CDK8: variants seen among roughly 807,000 people sequenced by gnomAD.
The protein encoded by CDK8 is cyclin-dependent kinase 8.
A neutral mutation model predicts 71.5 loss-of-function variants in CDK8; 29 were observed. That is an observed-to-expected ratio of 0.41 (90% CI 0.30 to 0.55). The LOEUF (loss-of-function observed/expected upper bound fraction) is 0.55, where lower values mean the gene tolerates loss of function less well. Ranked by LOEUF, CDK8 falls within the 20% of genes least tolerant of loss-of-function variation. The pLI is 0.37. For synonymous variants in CDK8, 161 were observed against 192.1 expected (o/e 0.84, Z 1.34); for missense variants, 288 against 572.6 (o/e 0.50, Z 5.07).
intron 1 of CDK8, among the ~76,000 whole-genome samples, chr13:26,290,477 G>A (rs777723656): frequency 1.1e-4 from 16 of 152,000 alleles, no homozygotes; most frequent in Non-Finnish European, 1.9e-4. Context: ...CTAAGAAAAC[G>A]GTCATCACAC....
rs569174188 is a variant in CDK8, at chr13:26,254,605, C to T, written c.-37C>T. On this transcript the variant is annotated 5_prime_UTR_variant, in exon 1 of 13. Coordinates refer to ENST00000381527, the MANE Select transcript of CDK8 (RefSeq NM_001260.3). The surrounding 1 kb of genome is among the most constrained non-coding windows in gnomAD (Gnocchi z 6.7). ...CCGGTCCCCACCCCTGCCCCCCGGCCCCCCGACCCAGCTCTCCGGCCTCAG... is the reference window on the plus strand; with the variant it reads ...CCGGTCCCCACCCCTGCCCCCCGGCTCCCCGACCCAGCTCTCCGGCCTCAG... 79 of 1,534,674 alleles carry T rather than the reference C, an allele frequency of 5.1e-5. No individual in the cohort carries two copies. In the South Asian group the frequency reaches 9.1e-4, roughly 18 times the overall value.
At chr13:26,266,806 A>T (rs1872039827) in intron 1 of CDK8, among the ~76,000 whole-genome samples, 1 of 152,160 alleles carries the variant, frequency 6.6e-6, no homozygotes, top group Non-Finnish European at 1.5e-5. Context: ...AAACCTGTAG[A>T]TGCCATTTAT....
At chr13:26,393,340 C>CTTTTTTTTTTTTTTT in intron 6 of CDK8, 27 bp from the exon 7 acceptor site, 1 of 1,114,682 alleles carries the variant, frequency 9.0e-7, no homozygotes, top group Non-Finnish European at 1.2e-6. Flanking sequence ...ATTTTTCTTT[C>CTTTTTTTTTTTTTTT]TTTTTTTTTT....
chr13:26,400,869 A>T lies in CDK8; in HGVS notation c.1031+319A>T, dbSNP rs576014523. The stretch of plus-strand genomic sequence containing the variant: ...ACAGTTTCATGTTCCAAAATTGCAA[A>T]TATTCCCAAATGTGTTCCCTATACC... On this transcript the variant is annotated intron_variant, in intron 10 of 12. Coordinates refer to ENST00000381527, the MANE Select transcript of CDK8 (RefSeq NM_001260.3). Among the ~76,000 whole-genome samples, 43 of 152,224 alleles carry T rather than the reference A, an allele frequency of 2.8e-4. No homozygotes were observed. The South Asian group carries it at 8.9e-3, about 32-fold the overall frequency.
At chr13:26,263,908 G>A (rs1248131026) in intron 1 of CDK8, among the ~76,000 whole-genome samples, 1 of 151,878 alleles carries the variant, frequency 6.6e-6, no homozygotes, top group Non-Finnish European at 1.5e-5. Context: ...CACTACGCCC[G>A]GCTAATTTTT....
intron 1 of CDK8, among the ~76,000 whole-genome samples, chr13:26,329,270 C>T (rs933878434): frequency 6.6e-6 from 1 of 152,018 alleles, no homozygotes; most frequent in Admixed American, 6.6e-5. Context: ...TTTATATTTT[C>T]ATCTTACTCC....
At position 26,401,643 on chromosome 13, in the gene CDK8, G is replaced by C. The variant is rs1400373731; in HGVS notation, c.1269+19G>C. On this transcript the variant is annotated intron_variant, in intron 12 of 12. Coordinates refer to ENST00000381527, the MANE Select transcript of CDK8 (RefSeq NM_001260.3). The surrounding 1 kb of genome is among the most constrained non-coding windows in gnomAD (Gnocchi z 4.5). ...CTATCAGGTATTCCAAGTTTATTTT[G>C]TATTGACTGCATGTCAGTGTTTACA... The C allele has an allele frequency of 1.2e-6, 2 of 1,612,696 alleles. No homozygotes were observed. Among genetic ancestry groups the C allele is most frequent in the South Asian group, 2.2e-5 (2 of 91,034 alleles).
At chr13:26,257,894 TTGTGTGTGTG>T (rs34745022) in intron 1 of CDK8, among the ~76,000 whole-genome samples, 1 of 148,620 alleles carries the variant, frequency 6.7e-6, no homozygotes, top group Non-Finnish European at 1.5e-5. Flanking sequence ...GAGTGTGTGT[TTGTGTGTGTG>T]TGTGTGTGTG....
intron 1 of CDK8, among the ~76,000 whole-genome samples, chr13:26,315,211 A>G (rs1874453994): frequency 6.6e-6 from 1 of 152,214 alleles, no homozygotes; most frequent in Admixed American, 6.5e-5. Context: ...TTTCACCTCT[A>G]ATTTTTTAGT....
chr13:26,337,257 A>G (rs1465964688), intron 1 of CDK8, among the ~76,000 whole-genome samples: 1 of 152,186 alleles, frequency 6.6e-6, no homozygotes, highest in East Asian at 1.9e-4. Flanking sequence ...TGTGTGTGTT[A>G]TGTTCATATA....
In CDK8 at chr13:26,385,252, C is replaced by T. The variant is rs1360603716; in HGVS notation, c.556C>T (p.Pro186Ser). 6.2e-7 allele frequency: 1 copy of T among 1,612,654 alleles called. No homozygotes were observed. Among genetic ancestry groups the T allele is most frequent in the Non-Finnish European group, 8.5e-7 (1 of 1,179,010 alleles). ...FARLFNSPLKPLADLDPVVVT... is the reference protein window; with the variant it reads ...FARLFNSPLKSLADLDPVVVT... ...CCGATTATTTAATTCACCTTTGAAG[C>T]CTTTAGCAGATTTGGATCCAGTGGT... The change falls in exon 6 of 13, where the codon CCT becomes TCT. Residue 186 changes from proline to serine, a missense_variant. By Grantham distance (74) the Pro-to-Ser change is moderately conservative (BLOSUM62 -1). Around this residue, in one of 6 missense-constraint regions of CDK8, gnomAD observed 0 missense variants for 18.6 expected, o/e 0.00. Transcript: ENST00000381527.
chr13:26,348,103 T>C (rs1034847012), intron 2 of CDK8, among the ~76,000 whole-genome samples: 9 of 151,926 alleles, frequency 5.9e-5, no homozygotes, highest in Non-Finnish European at 1.3e-4. Flanking sequence ...GATATATATA[T>C]AGATATGCAT....
intron 12 of CDK8, among the ~76,000 whole-genome samples, chr13:26,403,117 C>A (rs1876339805): frequency 6.6e-6 from 1 of 152,188 alleles, no homozygotes; most frequent in South Asian, 2.1e-4. Flanking sequence ...CCATCACATT[C>A]TTTCTCTTTG....
intron 1 of CDK8, among the ~76,000 whole-genome samples, chr13:26,333,361 A>G (rs1330745744): frequency 6.6e-6 from 1 of 152,010 alleles, no homozygotes; most frequent in African/African-American, 2.4e-5. Context: ...GCTGGCCTTG[A>G]ACTCCGGACC....
In CDK8 at chr13:26,254,587, C is replaced by T; in HGVS notation, c.-55C>T. 1 of 1,322,090 alleles carries T rather than the reference C, an allele frequency of 7.6e-7. No homozygotes were observed. Among genetic ancestry groups the T allele is most frequent in the Non-Finnish European group, 1.0e-6 (1 of 956,082 alleles). 81.9% of individuals were successfully genotyped at this position (1,322,090 alleles called of 1,614,324 possible). On this transcript the variant is annotated 5_prime_UTR_variant, in exon 1 of 13. Transcript: ENST00000381527. This position sits in a 1 kb window ranked among gnomAD's most constrained non-coding sequence, Gnocchi z 6.7. ...GCGGCTGCCCGTGCTTCCCCGGTCCCCACCCCTGCCCCCCGGCCCCCCGAC... is the reference window on the plus strand; with the variant it reads ...GCGGCTGCCCGTGCTTCCCCGGTCCTCACCCCTGCCCCCCGGCCCCCCGAC...
At chr13:26,374,433 A>G (rs1020918517) in intron 4 of CDK8, among the ~76,000 whole-genome samples, 1 of 152,194 alleles carries the variant, frequency 6.6e-6, no homozygotes, top group African/African-American at 2.4e-5. Flanking sequence ...GTCCAGCTAC[A>G]GCAGGTGGTA....
intron 1 of CDK8, among the ~76,000 whole-genome samples, chr13:26,320,945 C>T (rs1874746493): frequency 6.6e-6 from 1 of 152,162 alleles, no homozygotes; most frequent in South Asian, 2.1e-4. Flanking sequence ...AATATAGCCA[C>T]TGTGGAAAAC....
intron 1 of CDK8, among the ~76,000 whole-genome samples, chr13:26,288,904 A>G (rs898817988): frequency 2.0e-5 from 3 of 151,462 alleles, no homozygotes; most frequent in African/African-American, 7.3e-5. Context: ...GGCACGTGCC[A>G]CTGCACCTGG....
At chr13:26,274,576 C>T (rs562530899) in intron 1 of CDK8, among the ~76,000 whole-genome samples, 40 of 151,830 alleles carry the variant, frequency 2.6e-4, no homozygotes, top group African/African-American at 7.2e-4. Context: ...GGACTACAGG[C>T]GCCCGCCACC....
Sources: allele counts gnomAD v4.1 joint callset (sites outside exome capture counted in the v4.1 genomes callset), GRCh38; gene constraint gnomAD v4.1.1; regional missense constraint gnomAD v4.1.1; non-coding constraint Gnocchi (gnomAD v3.1); transcripts MANE v1.5; gene names NCBI Gene and HGNC (gene_info 2026-07-23, HGNC 2026-07-21).